Variants in DIS3L2 observed in about 807,000 individuals in gnomAD.
The protein encoded by DIS3L2 is DIS3-like exonuclease 2.
Under a neutral mutation model 97.5 loss-of-function variants are expected in DIS3L2, and 34 were observed. That is an observed-to-expected ratio of 0.35 (90% CI 0.27 to 0.46). DIS3L2 has a LOEUF of 0.46. DIS3L2 is among the 20% of genes least tolerant of loss of function. The pLI, the probability that DIS3L2 is intolerant of heterozygous loss-of-function variation, is 1.00. For synonymous variants in DIS3L2, 435 were observed against 445.2 expected, an observed-to-expected ratio of 0.98 and a Z score of 0.29; for missense variants, 1,038 against 1,146.0, an observed-to-expected ratio of 0.91 and a Z score of 1.36.
At chr2:232,320,790 T>C (rs115811443) in intron 14 of DIS3L2, among the ~76,000 whole-genome samples, 3,526 of 152,362 alleles carry the variant, frequency 0.023, 72 homozygotes, top group Middle Eastern at 0.048. Flanking sequence ...AGCTCCTCCA[T>C]GTGCTGCTCA....
intron 8 of DIS3L2, among the ~76,000 whole-genome samples, chr2:232,137,134 T>G (rs1205238318): frequency 6.6e-6 from 1 of 152,198 alleles, no homozygotes; most frequent in Non-Finnish European, 1.5e-5. Context: ...AATATGAACA[T>G]GAAGGTATAT....
Position 232,336,679 on chromosome 2 carries a change from A to C in DIS3L2, c.*49A>C. The stretch of plus-strand genomic sequence containing the variant: ...CTGCCCCGCCTGCCTGTCCCGCCAC[A>C]CTGGCTTTAGGACCTGTTGACACGG... On this transcript the variant is annotated 3_prime_UTR_variant, in exon 21 of 21. Coordinates refer to ENST00000325385, the MANE Select transcript of DIS3L2 (RefSeq NM_152383.5). 1.3e-6 allele frequency: 2 copies of C among 1,574,978 alleles called. No homozygotes were observed. The highest frequency in any genetic ancestry group is 1.7e-6 in the Non-Finnish European group (2 of 1,165,342).
intron 9 of DIS3L2, among the ~76,000 whole-genome samples, chr2:232,183,475 C>G (rs1382147240): frequency 6.6e-6 from 1 of 152,224 alleles, no homozygotes; most frequent in East Asian, 1.9e-4. Flanking sequence ...ATAGCCTTCA[C>G]TTCCTGCTGT....
intron 3 of DIS3L2, among the ~76,000 whole-genome samples, chr2:232,016,663 G>A (rs1694361207): frequency 6.6e-6 from 1 of 152,152 alleles, no homozygotes; most frequent in South Asian, 2.1e-4. Flanking sequence ...GCCTCCTTGG[G>A]CATAAACTAT....
In DIS3L2 at chr2:232,086,727, T is replaced by C. The variant is rs1373071505; in HGVS notation, c.367-760T>C. ...GTCTCGCTCTGTCACCCAGACTGGA[T>C]GGAGTGCAGTGGTGCCATCTCGGCT... is the stretch of plus-strand genomic sequence containing the variant. On this transcript the variant is annotated intron_variant, in intron 5 of 20. Transcript: ENST00000325385. Among the ~76,000 whole-genome samples, 5 of 148,582 alleles carry C rather than the reference T, an allele frequency of 3.4e-5. No individual in the cohort carries two copies. The East Asian group carries it at 9.8e-4, about 29-fold the overall frequency.
chr2:232,267,279 G>A (rs1000411955), intron 13 of DIS3L2, among the ~76,000 whole-genome samples: 8 of 152,180 alleles, frequency 5.3e-5, no homozygotes, highest in African/African-American at 1.9e-4. Flanking sequence ...AACAGATAGG[G>A]AAGCACTGCC....
In DIS3L2 at chr2:232,143,440, C is replaced by T. The variant is rs970457504; in HGVS notation, c.950+6721C>T. Among the ~76,000 whole-genome samples the T allele has an allele frequency of 2.0e-5, 3 of 152,200 alleles. No homozygotes were observed. In the South Asian group the frequency reaches 6.2e-4, roughly 32 times the overall value. ...TTGAAGTGGTGATCATTATAAATAA[C>T]TCTATGGAGGAAAACTTTCTCTCTT... is the stretch of plus-strand genomic sequence containing the variant. On this transcript the variant is annotated intron_variant, in intron 8 of 20. Coordinates refer to ENST00000325385, the MANE Select transcript of DIS3L2 (RefSeq NM_152383.5).
At chr2:232,112,507 G>A (rs552951286) in intron 6 of DIS3L2, among the ~76,000 whole-genome samples, 44 of 152,308 alleles carry the variant, frequency 2.9e-4, no homozygotes, top group African/African-American at 1.0e-3. Context: ...AGCTCCTTCA[G>A]TGGGAAGTCC....
At chr2:232,333,763 CT>C in intron 16 of DIS3L2, 76 bp from the exon 17 acceptor site, 124 of 1,447,840 alleles carry the variant, frequency 8.6e-5, no homozygotes, top group Admixed American at 5.0e-4. Flanking sequence ...GACGGTGAGG[CT>C]GTGGGTGGTG....
In DIS3L2 at chr2:232,238,662, A is replaced by C; in HGVS notation, c.1317+17A>C. 2 of 1,599,558 alleles carry C rather than the reference A, an allele frequency of 1.3e-6. No homozygotes were observed. Among genetic ancestry groups the C allele is most frequent in the South Asian group, 2.2e-5 (2 of 89,626 alleles). Reference sequence around the variant, plus strand: ...GTTCAAAAGGTAAAAATCCATCTCTAGTTTCTTTTTTCTTGCTTTGTTTAT... The same window carrying C: ...GTTCAAAAGGTAAAAATCCATCTCTCGTTTCTTTTTTCTTGCTTTGTTTAT... On this transcript the variant is annotated intron_variant, in intron 11 of 20. Coordinates refer to ENST00000325385, the MANE Select transcript of DIS3L2 (RefSeq NM_152383.5).
At chr2:232,249,197 G>T in intron 11 of DIS3L2, 42 bp from the exon 12 acceptor site, 1 of 1,601,332 alleles carries the variant, frequency 6.2e-7, no homozygotes, top group Non-Finnish European at 8.5e-7. Flanking sequence ...TCTCCTAAGC[G>T]GGTTGGAGAA....
intron 5 of DIS3L2, among the ~76,000 whole-genome samples, chr2:232,033,951 G>A (rs550279223): frequency 1.3e-5 from 2 of 152,140 alleles, no homozygotes; most frequent in South Asian, 2.1e-4. Context: ...TGTCTCTGCT[G>A]GGTTTTGGTA....
At chr2:232,228,756 T>C (rs1692713475) in intron 10 of DIS3L2, among the ~76,000 whole-genome samples, 1 of 152,200 alleles carries the variant, frequency 6.6e-6, no homozygotes, top group Non-Finnish European at 1.5e-5. Context: ...TGTTTTATTC[T>C]AAAAATCCAA....
chr2:232,110,259 T>G (rs1697486311), intron 6 of DIS3L2, among the ~76,000 whole-genome samples: 1 of 152,180 alleles, frequency 6.6e-6, no homozygotes, highest in Non-Finnish European at 1.5e-5. Context: ...TGTAAATTAG[T>G]TCAATCATTG....
intron 14 of DIS3L2, among the ~76,000 whole-genome samples, chr2:232,324,820 A>T (rs1267941232): frequency 1.3e-5 from 2 of 152,200 alleles, no homozygotes; most frequent in Admixed American, 6.5e-5. Flanking sequence ...TTTTACAGGG[A>T]AACAAATTGA....
At chr2:231,992,694 G>T (rs1448003175) in intron 1 of DIS3L2, among the ~76,000 whole-genome samples, 1 of 151,880 alleles carries the variant, frequency 6.6e-6, no homozygotes, top group Non-Finnish European at 1.5e-5. Context: ...AACACTTAAT[G>T]CCTTATTTCA....
intron 9 of DIS3L2, among the ~76,000 whole-genome samples, chr2:232,206,911 C>T (rs1443547004): frequency 6.6e-6 from 1 of 152,162 alleles, no homozygotes; most frequent in African/African-American, 2.4e-5. Context: ...GGATCAACTT[C>T]AGGCTGGAAA....
At chr2:232,026,886 A>G (rs1309417311) in intron 4 of DIS3L2, among the ~76,000 whole-genome samples, 1 of 152,164 alleles carries the variant, frequency 6.6e-6, no homozygotes, top group South Asian at 2.1e-4. Context: ...CAGTTGCGAT[A>G]TTAGGATTGG....
intron 2 of DIS3L2, 114 bp downstream of exon 2, chr2:232,015,093 T>TA: frequency 1.0e-6 from 1 of 998,812 alleles, no homozygotes; most frequent in Non-Finnish European, 1.5e-6. Flanking sequence ...ATTCTTTTAG[T>TA]GACCTGTTAA....
Sources: gnomAD v4.1 joint callset for allele counts (sites outside exome capture counted in the v4.1 genomes callset) on GRCh38, gnomAD v4.1.1 for gene constraint, MANE v1.5 for transcripts, NCBI Gene and HGNC (gene_info 2026-07-23, HGNC 2026-07-21) for gene names.